The following JAK2 variants were observed in gnomAD, a reference collection of about 807,000 sequenced individuals.
The protein encoded by JAK2 is tyrosine-protein kinase JAK2.
Under a neutral mutation model 139.3 loss-of-function variants are expected in JAK2, and 86 were observed. The observed-to-expected ratio is 0.62, with a 90% CI of 0.52 to 0.74. The LOEUF (loss-of-function observed/expected upper bound fraction) is 0.74. Ranked by LOEUF, JAK2 falls within the 30% of genes least tolerant of loss-of-function variation. The probability of loss-of-function intolerance (pLI) is 0.00; values close to 1 mark genes in which losing one functional copy is unlikely to be tolerated. For synonymous variants in JAK2, 490 were observed against 437.7 expected (o/e 1.12, Z -1.49); for missense variants, 1,421 against 1,360.3 (o/e 1.04, Z -0.70).
chr9:4,987,928 A>G (rs990672690), intron 2 of JAK2, among the ~76,000 whole-genome samples: 2 of 152,170 alleles, frequency 1.3e-5, no homozygotes, highest in African/African-American at 2.4e-5. Flanking sequence ...GAATGACTGC[A>G]TAAGGTGATC....
chr9:5,025,281 G>A (rs1366254893), intron 3 of JAK2, among the ~76,000 whole-genome samples: 1 of 151,982 alleles, frequency 6.6e-6, no homozygotes, highest in African/African-American at 2.4e-5. Flanking sequence ...ATTACCCTTG[G>A]TATCGTAGTC....
Position 5,072,638 on chromosome 9 carries a change from CT to C in JAK2, c.1776+15del. The C allele has an allele frequency of 6.4e-7, 1 of 1,568,276 alleles. No homozygotes were observed. Among genetic ancestry groups the C allele is most frequent in the Non-Finnish European group, 8.7e-7 (1 of 1,153,112 alleles). ...GAAACTATTCAGAGGTGTGTATGTT[CT>C]TTATATTGTTCATGTAGTTTATGCT... On this transcript the variant is annotated intron_variant, in intron 13 of 24. Coordinates refer to ENST00000381652, the MANE Select transcript of JAK2 (RefSeq NM_004972.4).
chr9:5,029,407 A>G (rs1231096282), intron 3 of JAK2, among the ~76,000 whole-genome samples: 1 of 152,200 alleles, frequency 6.6e-6, no homozygotes, highest in Non-Finnish European at 1.5e-5. Flanking sequence ...TAATAATAAA[A>G]AAGTTTGAAG....
intron 8 of JAK2, among the ~76,000 whole-genome samples, chr9:5,062,832 C>T (rs1057353083): frequency 1.2e-4 from 18 of 152,206 alleles, no homozygotes; most frequent in Non-Finnish European, 1.8e-4. Context: ...TTGAGCAATA[C>T]CTCATGTGTT....
At chr9:5,122,176 AC>A (rs1418790139) in intron 22 of JAK2, among the ~76,000 whole-genome samples, 3 of 152,114 alleles carry the variant, frequency 2.0e-5, no homozygotes, top group African/African-American at 7.2e-5. Flanking sequence ...TATGTAATTC[AC>A]ATTTTTAATA....
chr9:5,004,025 T>C (rs1821103146), intron 2 of JAK2, among the ~76,000 whole-genome samples: 1 of 152,162 alleles, frequency 6.6e-6, no homozygotes, highest in African/African-American at 2.4e-5. Context: ...CTAAATTACA[T>C]AAAAATTGTA....
At position 5,021,963 on chromosome 9, in the gene JAK2, G is replaced by C; in HGVS notation, c.-25G>C. On this transcript the variant is annotated splice_region_variant and 5_prime_UTR_variant, in exon 3 of 25. Coordinates refer to ENST00000381652, the MANE Select transcript of JAK2 (RefSeq NM_004972.4). ...GTAACTTTATTGTTTTCTCTTACAG[G>C]CAAATGTTCTGAAAAAGACTCTGCA... The C allele has an allele frequency of 1.3e-6, 2 of 1,546,494 alleles. No individual in the cohort carries two copies. Among genetic ancestry groups the C allele is most frequent in the Non-Finnish European group, 1.8e-6 (2 of 1,119,632 alleles).
At chr9:5,016,574 TA>T (rs1280696976) in intron 2 of JAK2, among the ~76,000 whole-genome samples, 5 of 152,182 alleles carry the variant, frequency 3.3e-5, no homozygotes, top group African/African-American at 7.2e-5. Flanking sequence ...AATTGAAGTG[TA>T]ACACACAAAC....
chr9:5,077,573 A>AT lies in JAK2; in HGVS notation c.1989dup (p.Leu664SerfsTer35). On this transcript the variant is annotated frameshift_variant, in exon 15 of 25. Transcript: ENST00000381652. LOFTEE classifies it high-confidence loss of function. ...GCTAAACAGTTGGCATGGGCCATGC[A>AT]TTTTCTAGTAAGTAGTACAACCTTT... 1 of 1,483,056 alleles carries AT rather than the reference A, an allele frequency of 6.7e-7. No individual in the cohort carries two copies. The highest frequency in any genetic ancestry group is 8.9e-7 in the Non-Finnish European group (1 of 1,118,148). The allele number at this position is 1,483,056 out of a possible 1,614,324, so 91.9% of individuals were successfully genotyped here.
chr9:5,120,328 A>C (rs1222084555), intron 22 of JAK2, among the ~76,000 whole-genome samples: 1 of 152,250 alleles, frequency 6.6e-6, no homozygotes, highest in Admixed American at 6.5e-5. Context: ...CATCACATTA[A>C]CAACACCTGA....
Position 5,062,577 on chromosome 9 carries a change from A to G in JAK2, c.1057-2306A>G, listed in dbSNP as rs1467860038. On this transcript the variant is annotated intron_variant, in intron 8 of 24. Transcript: ENST00000381652. ...ATAAAGGGAAGTGCAGTAAAACAAA[A>G]TGTGTCTGTATATCAATAAGAGGGA... 1.1e-4 allele frequency among the ~76,000 whole-genome samples: 16 copies of G among 151,354 alleles called. No homozygotes were observed. In the South Asian group the frequency reaches 2.7e-3, roughly 26 times the overall value.
At chr9:5,126,227 A>C (rs970106251) in intron 23 of JAK2, 106 bp from the exon 24 acceptor site, 143 of 687,208 alleles carry the variant, frequency 2.1e-4, no homozygotes, top group Non-Finnish European at 2.8e-4. Flanking sequence ...GAAAACATAC[A>C]AAAGCACACA....
intron 5 of JAK2, among the ~76,000 whole-genome samples, chr9:5,046,122 C>G (rs1816991107): frequency 6.6e-6 from 1 of 152,134 alleles, no homozygotes; most frequent in African/African-American, 2.4e-5. Context: ...ACTTCTCTAA[C>G]AACCAGTGAT....
At chr9:5,005,939 C>G (rs1821269433) in intron 2 of JAK2, among the ~76,000 whole-genome samples, 1 of 152,130 alleles carries the variant, frequency 6.6e-6, no homozygotes, top group East Asian at 1.9e-4. Flanking sequence ...ATGCCTCCAG[C>G]TTTGTTCTTT....
chr9:5,108,451 T>TA (rs1229680576), intron 22 of JAK2: 1 of 152,134 alleles, frequency 6.6e-6, no homozygotes, highest in Non-Finnish European at 1.5e-5. Context: ...CTAAATATGC[T>TA]AGTAATGATA....
chr9:5,072,182 C>T lies in JAK2; in HGVS notation c.1642-310C>T, dbSNP rs12335546. ...GTAGGAAAGGCAAAGAAAATGATTC[C>T]CATGTAAGCAAATGTAGGTAAACAC... On this transcript the variant is annotated intron_variant, in intron 12 of 24. Transcript: ENST00000381652. Among the ~76,000 whole-genome samples the T allele has an allele frequency of 0.33, 50,775 of 151,938 alleles. 8,930 individuals carry two copies. Among genetic ancestry groups the T allele is most frequent in the African/African-American group, 0.46 (18,974 of 41,454 alleles).
intron 2 of JAK2, among the ~76,000 whole-genome samples, chr9:4,989,077 A>G (rs1820111968): frequency 6.6e-6 from 1 of 152,194 alleles, no homozygotes; most frequent in African/African-American, 2.4e-5. Context: ...TCCTTATTAT[A>G]GCATTCCCTT....
At chr9:5,115,148 T>G (rs1026377270) in intron 22 of JAK2, among the ~76,000 whole-genome samples, 1 of 151,998 alleles carries the variant, frequency 6.6e-6, no homozygotes, top group Non-Finnish European at 1.5e-5. Flanking sequence ...TGGGAAAAAT[T>G]TTTTGCAATC....
rs1462952172 is a variant in JAK2, at chr9:5,126,948, A to G, written c.*157A>G. 2 of 415,994 alleles carry G rather than the reference A, an allele frequency of 4.8e-6. No homozygotes were observed. The highest frequency in any genetic ancestry group is 8.4e-6 in the Non-Finnish European group (2 of 237,252). 25.8% of individuals were successfully genotyped at this position (415,994 alleles called of 1,614,324 possible). ...TATCTGCTCAAAACTTTCAAAGTTT[A>G]GTAAGTTTTTCTTCATGAGGCCACC... is the stretch of plus-strand genomic sequence containing the variant. On this transcript the variant is annotated 3_prime_UTR_variant, in exon 25 of 25. Coordinates refer to ENST00000381652, the MANE Select transcript of JAK2 (RefSeq NM_004972.4).
Sources: gnomAD v4.1 joint callset for allele counts (sites outside exome capture counted in the v4.1 genomes callset) on GRCh38, gnomAD v4.1.1 for gene constraint, MANE v1.5 for transcripts, NCBI Gene and HGNC (gene_info 2026-07-23, HGNC 2026-07-21) for gene names.